PCDHGA2: variants seen among roughly 807,000 people sequenced by gnomAD.
The protein encoded by PCDHGA2 is protocadherin gamma-A2.
A neutral mutation model predicts 59.2 loss-of-function variants in PCDHGA2; 40 were observed. The ratio of observed to expected loss-of-function variants is 0.68; its 90% CI spans 0.52 to 0.88. PCDHGA2 has a LOEUF of 0.88. PCDHGA2 is among the 40% of genes least tolerant of loss of function. The probability of loss-of-function intolerance (pLI) is 0.00; values close to 1 mark genes in which losing one functional copy is unlikely to be tolerated. For synonymous variants in PCDHGA2, 560 were observed against 526.0 expected (o/e 1.06, Z -0.89); for missense variants, 1,226 against 1,204.0 (o/e 1.02, Z -0.27).
In PCDHGA2 at chr5:141,490,537, T is replaced by C; in HGVS notation, c.2425-4270T>C. On this transcript the variant is annotated intron_variant, in intron 1 of 3. Transcript: ENST00000394576. This position sits in a 1 kb window ranked among gnomAD's most constrained non-coding sequence, Gnocchi z 5.4. ...GCTGGCCAGCGATGCTGGTTCACCT[T>C]CCCTACACAAACATCTCACCATCAG... is the stretch of plus-strand genomic sequence containing the variant. 1.9e-6 allele frequency: 3 copies of C among 1,614,180 alleles called. No homozygotes were observed. The highest frequency in any genetic ancestry group is 8.5e-7 in the Non-Finnish European group (1 of 1,180,028).
intron 1 of PCDHGA2, chr5:141,390,085 A>C (rs1253804368): frequency 2.5e-6 from 4 of 1,613,916 alleles, no homozygotes. Flanking sequence ...GTTAAATCCG[A>C]ATCCGTGGTT....
chr5:141,376,420 T>C (rs1312408619), intron 1 of PCDHGA2: 5 of 1,614,196 alleles, frequency 3.1e-6, no homozygotes, highest in African/African-American at 1.3e-5. Context: ...CCGACACGCT[T>C]ATCAACCAGG....
rs1427881816 is a variant in PCDHGA2 at position 141,486,740 on chromosome 5, T to C, written c.2425-8067T>C. ...AGGAGCTGTTCATGCTACTCGATCC[T>C]TTGACTATGAGCAAACCCAGACACT... On this transcript the variant is annotated intron_variant, in intron 1 of 3. Coordinates refer to ENST00000394576, the MANE Select transcript of PCDHGA2 (RefSeq NM_018915.4). The surrounding 1 kb of genome is among the most constrained non-coding windows in gnomAD (Gnocchi z 5.0). 6.2e-7 allele frequency: 1 copy of C among 1,614,234 alleles called. No homozygotes were observed. Among genetic ancestry groups the C allele is most frequent in the Admixed American group, 1.7e-5 (1 of 60,026 alleles).
intron 1 of PCDHGA2, chr5:141,423,923 G>C: frequency 8.0e-7 from 1 of 1,254,744 alleles, no homozygotes; most frequent in Non-Finnish European, 1.0e-6. Flanking sequence ...CAACTATGCT[G>C]GTTTGGTTTG....
chr5:141,398,125 G>C (rs1353004584), intron 1 of PCDHGA2: 1 of 1,586,808 alleles, frequency 6.3e-7, no homozygotes. Flanking sequence ...GAGAGCAAGA[G>C]GGATGGGGAG....
At chr5:141,409,153 G>A in intron 1 of PCDHGA2, 1 of 1,614,026 alleles carries the variant, frequency 6.2e-7, no homozygotes. Context: ...GGTACACCAT[G>A]GAAGTGGAAG....
intron 1 of PCDHGA2, among the ~76,000 whole-genome samples, chr5:141,454,743 G>A (rs1050167077): frequency 6.7e-6 from 1 of 149,684 alleles, no homozygotes; most frequent in African/African-American, 2.5e-5. Context: ...ATGAAAAGAG[G>A]CCAAACTAAT....
intron 1 of PCDHGA2, chr5:141,366,296 G>A (rs776172631): frequency 6.2e-6 from 10 of 1,613,616 alleles, no homozygotes; most frequent in African/African-American, 2.7e-5. Flanking sequence ...CCCTCTGTCA[G>A]CCACCTTCAC....
chr5:141,373,370 G>T (rs1448314999), intron 1 of PCDHGA2, among the ~76,000 whole-genome samples: 1 of 152,164 alleles, frequency 6.6e-6, no homozygotes, highest in African/African-American at 2.4e-5. Context: ...TAATGAATTG[G>T]TTCAAAATGT....
chr5:141,384,600 C>T, intron 1 of PCDHGA2: 1 of 1,614,248 alleles, frequency 6.2e-7, no homozygotes, highest in Non-Finnish European at 8.5e-7. Flanking sequence ...ACCCGGCCCT[C>T]CCCACAGATG....
At chr5:141,396,952 A>G (rs2093458879) in intron 1 of PCDHGA2, among the ~76,000 whole-genome samples, 1 of 152,196 alleles carries the variant, frequency 6.6e-6, no homozygotes, top group African/African-American at 2.4e-5. Context: ...AGGAAAGAAA[A>G]TCCTTACTCT....
intron 1 of PCDHGA2, among the ~76,000 whole-genome samples, chr5:141,425,318 G>A (rs1304835508): frequency 1.3e-5 from 2 of 152,158 alleles, no homozygotes; most frequent in Non-Finnish European, 2.9e-5. Context: ...TCCCAAGATC[G>A]TGGAGAACAA....
At chr5:141,481,860 G>A (rs1379910129) in intron 1 of PCDHGA2, among the ~76,000 whole-genome samples, 1 of 148,492 alleles carries the variant, frequency 6.7e-6, no homozygotes, top group Non-Finnish European at 1.5e-5. Context: ...GTTGCAGTGA[G>A]CCGAGATCGC....
Position 141,490,365 on chromosome 5 carries a change from A to G in PCDHGA2, c.2425-4442A>G. The G allele has an allele frequency of 6.2e-7, 1 of 1,614,170 alleles. No individual in the cohort carries two copies. The highest frequency in any genetic ancestry group is 8.5e-7 in the Non-Finnish European group (1 of 1,180,030). On this transcript the variant is annotated intron_variant, in intron 1 of 3. Coordinates refer to ENST00000394576, the MANE Select transcript of PCDHGA2 (RefSeq NM_018915.4). The surrounding 1 kb of genome is among the most constrained non-coding windows in gnomAD (Gnocchi z 5.4). ...CAGTAGTGGGGTTGTTTAATGTGCG[A>G]GACCGGGACTCAGGTAGAAATGGTG...
At chr5:141,365,172 T>C in intron 1 of PCDHGA2, 2 of 1,613,882 alleles carry the variant, frequency 1.2e-6, no homozygotes, top group Non-Finnish European at 1.7e-6. Context: ...ACCTACTCTT[T>C]TCGCAATGAA....
intron 1 of PCDHGA2, chr5:141,351,696 C>A: frequency 6.2e-7 from 1 of 1,613,976 alleles, no homozygotes; most frequent in East Asian, 2.2e-5. Flanking sequence ...GATTTGGGAC[C>A]CAACGGCAGA....
At chr5:141,356,428 C>T in intron 1 of PCDHGA2, 1 of 1,608,476 alleles carries the variant, frequency 6.2e-7, no homozygotes, top group Non-Finnish European at 8.5e-7. Context: ...ACACAGAACA[C>T]TGGACAGGGA....
intron 1 of PCDHGA2, among the ~76,000 whole-genome samples, chr5:141,483,638 G>A (rs1159840764): frequency 1.4e-5 from 2 of 147,222 alleles, no homozygotes; most frequent in South Asian, 2.1e-4. Flanking sequence ...AGGTATAGAG[G>A]GGTGTGTGTT....
At position 141,486,478 on chromosome 5, in the gene PCDHGA2, C is replaced by T; in HGVS notation, c.2425-8329C>T. The T allele has an allele frequency of 2.5e-6, 4 of 1,614,026 alleles. No homozygotes were observed. The highest frequency in any genetic ancestry group is 3.4e-6 in the Non-Finnish European group (4 of 1,179,854). On this transcript the variant is annotated intron_variant, in intron 1 of 3. Transcript: ENST00000394576. The surrounding 1 kb of genome is among the most constrained non-coding windows in gnomAD (Gnocchi z 5.0). ...CTTCTGATGCTGGGAACCCTCCTCT[C>T]AGTACCCACAGAACTATTTTCCTCA...
Sources: allele counts gnomAD v4.1 joint callset (sites outside exome capture counted in the v4.1 genomes callset), GRCh38; gene constraint gnomAD v4.1.1; non-coding constraint Gnocchi (gnomAD v3.1); transcripts MANE v1.5; gene names NCBI Gene and HGNC (gene_info 2026-07-23, HGNC 2026-07-21).